The following HYAL3 variants were observed in gnomAD, a reference collection of about 807,000 sequenced individuals.
HYAL3 encodes the protein hyaluronidase-3.
Under a neutral mutation model 29.6 loss-of-function variants are expected in HYAL3, and 25 were observed. The ratio of observed to expected loss-of-function variants is 0.85; its 90% CI spans 0.62 to 1.18. HYAL3 has a LOEUF of 1.18. Among genes scored for constraint, HYAL3 ranks in the 50% most tolerant of loss-of-function variants. The pLI is 0.00. For missense variants in HYAL3, 442 were observed against 548.4 expected (o/e 0.81, Z 1.94); for synonymous variants, 215 against 218.3 (o/e 0.99, Z 0.13).
rs1407923044 is a variant in HYAL3 at position 50,295,626 on chromosome 3, G to A, written c.-17-7C>T. On this transcript the variant is annotated splice_region_variant and splice_polypyrimidine_tract_variant and intron_variant, in intron 1 of 3. Coordinates refer to ENST00000336307, the MANE Select transcript of HYAL3 (RefSeq NM_003549.4). ...ATTCCCCAAGGATGGAAACCTGCAG[G>A]AGAGAGGGGGGTGTAAGCTTAGAGT... is the stretch of plus-strand genomic sequence containing the variant. 6.6e-7 allele frequency: 1 copy of A among 1,522,152 alleles called. No individual in the cohort carries two copies. The highest frequency in any genetic ancestry group is 2.1e-5 in the Admixed American group (1 of 46,890). 94.3% of individuals were successfully genotyped at this position (1,522,152 alleles called of 1,614,324 possible). A position where few individuals can be genotyped will look rare whatever the true frequency, so the allele number is the denominator to read the frequency against.
In HYAL3 at chr3:50,295,316, G is replaced by A. The variant is rs899076310; in HGVS notation, c.287C>T (p.Pro96Leu). The A allele has an allele frequency of 6.2e-7, 1 of 1,614,066 alleles. No individual in the cohort carries two copies. The highest frequency in any genetic ancestry group is 1.7e-5 in the Admixed American group (1 of 60,010). ...GTGGCGGTCAAGGGGCAAAGCCTGG[G>A]GGATGCCCCCATTGTGAGCTGTGCC... ...PRGTAHNGGI[P>L]QALPLDRHLA... The change falls in exon 2 of 4, where the codon CCC (proline) becomes CTC (leucine). Residue 96 changes from proline (P) to leucine (L), a missense_variant. Coordinates refer to ENST00000336307, the MANE Select transcript of HYAL3 (RefSeq NM_003549.4).
intron 2 of HYAL3, among the ~76,000 whole-genome samples, chr3:50,294,063 GC>G (rs1701755435): frequency 6.6e-6 from 1 of 152,298 alleles, no homozygotes; most frequent in Admixed American, 6.5e-5. Context: ...ACTTTGGGAG[GC>G]AAAAGCGGGA....
At chr3:50,296,620 T>C (rs370006421) in intron 1 of HYAL3, 39 of 1,613,848 alleles carry the variant, frequency 2.4e-5, no homozygotes, top group South Asian at 4.4e-5. Context: ...TCTTTTTCCA[T>C]CCAGAATATG....
intron 2 of HYAL3, 101 bp from the exon 3 acceptor site, chr3:50,293,822 T>C (rs908849102): frequency 3.8e-6 from 4 of 1,058,680 alleles, no homozygotes; most frequent in Admixed American, 3.8e-5. Context: ...CACAATCTGA[T>C]TCTAACTCTA....
chr3:50,297,724 G>A lies in HYAL3; in HGVS notation c.-18+1489C>T. On this transcript the variant is annotated intron_variant, in intron 1 of 3. Transcript: ENST00000336307. This position sits in a 1 kb window ranked among gnomAD's most constrained non-coding sequence, Gnocchi z 4.3. ...TGCCAGGAGGGAGGGTGGGGTTGGAGCAGGGAAGGGCTGACAGAGTGCAGG... is the reference window on the plus strand; with the variant it reads ...TGCCAGGAGGGAGGGTGGGGTTGGAACAGGGAAGGGCTGACAGAGTGCAGG... The A allele has an allele frequency of 5.1e-6, 7 of 1,360,256 alleles. No homozygotes were observed. The highest frequency in any genetic ancestry group is 5.7e-6 in the Non-Finnish European group (6 of 1,061,126). 84.3% of individuals were successfully genotyped at this position (1,360,256 alleles called of 1,614,324 possible).
chr3:50,297,463 T>G lies in HYAL3; in HGVS notation c.-18+1750A>C, dbSNP rs1553711562. The G allele has an allele frequency of 6.2e-7, 1 of 1,600,396 alleles. No individual in the cohort carries two copies. Among genetic ancestry groups the G allele is most frequent in the East Asian group, 2.2e-5 (1 of 44,764 alleles). On this transcript the variant is annotated intron_variant, in intron 1 of 3. Coordinates refer to ENST00000336307, the MANE Select transcript of HYAL3 (RefSeq NM_003549.4). This position sits in a 1 kb window ranked among gnomAD's most constrained non-coding sequence, Gnocchi z 4.3. ...GGGCTGGTACTCAGGATCAGCTCCA[T>G]CCGGTGTGTAGGGTCTAGTGTAGGG...
Position 50,294,867 on chromosome 3 carries a change from A to G in HYAL3, c.736T>C (p.Tyr246His). 6.5e-7 allele frequency: 1 copy of G among 1,548,148 alleles called. No individual in the cohort carries two copies. Among genetic ancestry groups the G allele is most frequent in the Non-Finnish European group, 8.8e-7 (1 of 1,141,730 alleles). The change falls in exon 2 of 4, where the codon TAC becomes CAC. Residue 246 changes from tyrosine (Y) to histidine (H), a missense_variant. Physicochemically the swap from Tyr to His is moderately conservative, Grantham distance 83 (BLOSUM62 2). Transcript: ENST00000336307. ...AASSALFPSI[Y>H]LPPRLPPAHH... ...GCAGGTGGCAGCCTGGGTGGGAGGT[A>G]GATGCTGGGGAAGAGGGCACTGGAG...
Position 50,295,588 on chromosome 3 carries a change from C to T in HYAL3, c.15G>A (p.Leu5=). 6.5e-7 allele frequency: 1 copy of T among 1,550,040 alleles called. No individual in the cohort carries two copies. Among genetic ancestry groups the T allele is most frequent in the Non-Finnish European group, 8.7e-7 (1 of 1,146,740 alleles). MTTQ[L]GPALVLGVAL... is the part of the protein sequence containing the mutation. ...CCACCCCCAGCACCAGGGCTGGGCC[C>T]AGTTGCGTGGTCATTCCCCAAGGAT... The change falls in exon 2 of 4, where the codon CTG becomes CTA. Residue 5 remains leucine (L), a synonymous_variant. Transcript: ENST00000336307.
chr3:50,294,576 T>C (rs1409425584), intron 2 of HYAL3, 133 bp downstream of exon 2: 27 of 665,302 alleles, frequency 4.1e-5, no homozygotes, highest in Middle Eastern at 2.7e-4. Context: ...CCTCATCAGA[T>C]GCTCCAGGAC....
intron 1 of HYAL3, chr3:50,298,966 G>T (rs1553711829): frequency 1.4e-6 from 2 of 1,441,080 alleles, no homozygotes; most frequent in African/African-American, 2.8e-5. Context: ...GGGCTCCGGG[G>T]TCCTCAGAGA....
rs1553710840 is a variant in HYAL3, at chr3:50,295,165, C to T, written c.438G>A (p.Gln146=). 1 of 1,613,522 alleles carries T rather than the reference C, an allele frequency of 6.2e-7. No individual in the cohort carries two copies. The highest frequency in any genetic ancestry group is 2.2e-5 in the East Asian group (1 of 44,882). ...AGNWGRRRAY[Q]AASWAWAQQV... is the part of the protein sequence containing the mutation. ...GCTGTGCCCAAGCCCAAGAGGCTGC[C>T]TGATAAGCTCGGCGGCGGCCCCAGT... Residue 146 remains glutamine, a synonymous_variant, in exon 2 of 4, where the codon CAG becomes CAA. Coordinates refer to ENST00000336307, the MANE Select transcript of HYAL3 (RefSeq NM_003549.4).
chr3:50,292,848 CTT>C lies in HYAL3; in HGVS notation c.*396_*397del. ...AACCTCAGGCAGTGGAAAAAAGTGA[CTT>C]TATGATGAAAGAGTGCAGACAACAG... is the stretch of plus-strand genomic sequence containing the variant. On this transcript the variant is annotated 3_prime_UTR_variant, in exon 4 of 4. Coordinates refer to ENST00000336307, the MANE Select transcript of HYAL3 (RefSeq NM_003549.4). The C allele has an allele frequency of 2.0e-6, 3 of 1,495,274 alleles. No individual in the cohort carries two copies. Among genetic ancestry groups the C allele is most frequent in the Non-Finnish European group, 2.7e-6 (3 of 1,114,292 alleles). The allele number at this position is 1,495,274 out of a possible 1,614,324, so 92.6% of individuals were successfully genotyped here.
intron 1 of HYAL3, among the ~76,000 whole-genome samples, chr3:50,296,118 C>T (rs963133167): frequency 6.6e-6 from 1 of 152,238 alleles, no homozygotes; most frequent in African/African-American, 2.4e-5. Flanking sequence ...CCCTGTGCCA[C>T]ATGGATCCTG....
chr3:50,297,548 C>T lies in HYAL3; in HGVS notation c.-18+1665G>A. The T allele has an allele frequency of 6.6e-7, 1 of 1,504,798 alleles. No individual in the cohort carries two copies. The highest frequency in any genetic ancestry group is 1.4e-5 in the African/African-American group (1 of 71,560). The allele number at this position is 1,504,798 out of a possible 1,614,324, so 93.2% of individuals were successfully genotyped here. A position where few individuals can be genotyped will look rare whatever the true frequency, so the allele number is the denominator to read the frequency against. ...CTTGCCTATGCACAGGATCCAGGTT[C>T]AGCTGAGTCAGGCTGGGAGCCAAGG... On this transcript the variant is annotated intron_variant, in intron 1 of 3. Coordinates refer to ENST00000336307, the MANE Select transcript of HYAL3 (RefSeq NM_003549.4). The surrounding 1 kb of genome is among the most constrained non-coding windows in gnomAD (Gnocchi z 4.3).
In HYAL3 at chr3:50,299,262, G is replaced by A. The variant is rs72932962; in HGVS notation, c.-67C>T. On this transcript the variant is annotated 5_prime_UTR_variant, in exon 1 of 4. Transcript: ENST00000336307. ...TTCCGCGTCCTAGCTCCGCACAGCT[G>A]GGTATCTCACTCAGTCGCCACCTCG... is the stretch of plus-strand genomic sequence containing the variant. 6.5e-3 allele frequency: 10,454 copies of A among 1,613,922 alleles called. 624 individuals carry two copies. The African/African-American group carries it at 0.12, about 19-fold the overall frequency.
rs1701797718 is a variant in HYAL3, at chr3:50,295,243, A to G, written c.360T>C (p.Phe120=). 6.2e-7 allele frequency: 1 copy of G among 1,613,770 alleles called. No individual in the cohort carries two copies. Among genetic ancestry groups the G allele is most frequent in the Non-Finnish European group, 8.5e-7 (1 of 1,180,014 alleles). The part of the protein sequence containing the change: ...YQIHHSLRPG[F]AGPAVLDWEE... ...CCCAATCCAGCACTGCTGGGCCAGC[A>G]AAGCCAGGTCTCAGGCTGTGGTGGA... The change falls in exon 2 of 4, where the codon TTT becomes TTC. Residue 120 remains phenylalanine (F), a synonymous_variant. Transcript: ENST00000336307.
In HYAL3 at chr3:50,297,017, GC is replaced by G; in HGVS notation, c.-17-1399del. On this transcript the variant is annotated intron_variant, in intron 1 of 3. Transcript: ENST00000336307. The surrounding 1 kb of genome is among the most constrained non-coding windows in gnomAD (Gnocchi z 4.3). ...CCATGAGGCGGCGGCCAAAGCCACG[GC>G]CCCTCAGGGCCCGGGCCACCACCAC... 6 of 1,544,880 alleles carry G rather than the reference GC, an allele frequency of 3.9e-6. No homozygotes were observed. The highest frequency in any genetic ancestry group is 5.2e-6 in the Non-Finnish European group (6 of 1,149,846).
At chr3:50,299,040 G>A (rs1553711844) in intron 1 of HYAL3, 173 bp downstream of exon 1, 4 of 1,557,078 alleles carry the variant, frequency 2.6e-6, no homozygotes, top group Middle Eastern at 2.3e-4. Flanking sequence ...ACAGGCTGTG[G>A]AGCTTTTGGG....
rs587640941 is a variant in HYAL3 at position 50,299,396 on chromosome 3, C to T, written c.-201G>A. ...CTAAGGCCTCCCAGCACCCGCGCGT[C>T]GCCGCTTAGAACCCGCCCCTGGTTT... On this transcript the variant is annotated 5_prime_UTR_variant, in exon 1 of 4. Transcript: ENST00000336307. 65 of 1,383,710 alleles carry T rather than the reference C, an allele frequency of 4.7e-5. No individual in the cohort carries two copies. Among genetic ancestry groups the T allele is most frequent in the African/African-American group, 4.6e-4 (32 of 69,766 alleles). 85.7% of individuals were successfully genotyped at this position (1,383,710 alleles called of 1,614,324 possible).
Sources: allele counts gnomAD v4.1 joint callset (sites outside exome capture counted in the v4.1 genomes callset), GRCh38; gene constraint gnomAD v4.1.1; non-coding constraint Gnocchi (gnomAD v3.1); transcripts MANE v1.5; gene names NCBI Gene and HGNC (gene_info 2026-07-23, HGNC 2026-07-21).